Variants in HYDIN observed in about 807,000 individuals in gnomAD.
HYDIN encodes HYDIN axonemal central pair apparatus protein.
HYDIN carries 132 observed loss-of-function variants against 403.9 expected under a neutral mutation model. The observed-to-expected ratio is 0.33, with a 90% CI of 0.28 to 0.38. The LOEUF is 0.38. Ranked by LOEUF, HYDIN falls within the 10% of genes least tolerant of loss-of-function variation. HYDIN has a pLI of 1.00. For missense variants in HYDIN, 2,827 were observed against 5,009.5 expected, an observed-to-expected ratio of 0.56 and a Z score of 13.15; for synonymous variants, 1,202 against 1,891.7, an observed-to-expected ratio of 0.64 and a Z score of 9.46.
intron 21 of HYDIN, among the ~76,000 whole-genome samples, chr16:71,024,131 T>C (rs1321341335): frequency 6.6e-6 from 1 of 152,216 alleles, no homozygotes; most frequent in Non-Finnish European, 1.5e-5. Flanking sequence ...GCATGATGGT[T>C]TCAGTGAATC....
At position 70,879,600 on chromosome 16, in the gene HYDIN, G is replaced by A; in HGVS notation, c.10367+5C>T. 5 of 1,613,456 alleles carry A rather than the reference G, an allele frequency of 3.1e-6. No homozygotes were observed. Among genetic ancestry groups the A allele is most frequent in the Non-Finnish European group, 4.2e-6 (5 of 1,179,962 alleles). On this transcript the variant is annotated splice_donor_5th_base_variant and intron_variant, in intron 61 of 85. Coordinates refer to ENST00000393567, the MANE Select transcript of HYDIN (RefSeq NM_001270974.2). The stretch of plus-strand genomic sequence containing the variant: ...GAGAGGGAGCTGGGAGCTGGGAGTT[G>A]GTACCTGGGCAAGCCATCCAAGGTA...
At chr16:71,187,813 AT>A (rs1213719732) in intron 1 of HYDIN, among the ~76,000 whole-genome samples, 1 of 152,140 alleles carries the variant, frequency 6.6e-6, no homozygotes, top group Non-Finnish European at 1.5e-5. Context: ...TGAATATGAA[AT>A]TTTAAAAAAG....
chr16:71,102,632 C>A (rs530947823), intron 10 of HYDIN, among the ~76,000 whole-genome samples: 1 of 151,884 alleles, frequency 6.6e-6, no homozygotes, highest in East Asian at 1.9e-4. Context: ...TACAGCCCGA[C>A]CTTCAGCTGT....
chr16:71,162,164 G>A (rs1267870294), intron 6 of HYDIN, among the ~76,000 whole-genome samples: 1 of 151,442 alleles, frequency 6.6e-6, no homozygotes, highest in Non-Finnish European at 1.5e-5. Context: ...AAGCTACTGA[G>A]TTTGTGACAA....
chr16:70,942,400 C>T (rs1185125326), intron 42 of HYDIN, among the ~76,000 whole-genome samples: 2 of 151,902 alleles, frequency 1.3e-5, no homozygotes, highest in South Asian at 2.1e-4. Context: ...GTTAAAGGGC[C>T]GATCTGGGAA....
intron 5 of HYDIN, among the ~76,000 whole-genome samples, chr16:71,174,601 G>C (rs2086593748): frequency 6.6e-6 from 1 of 151,998 alleles, no homozygotes; most frequent in Non-Finnish European, 1.5e-5. Context: ...AACAAAACCT[G>C]ACCAACAATT....
At chr16:70,938,468 T>C (rs980543238) in intron 44 of HYDIN, 146 bp downstream of exon 44, 5 of 724,656 alleles carry the variant, frequency 6.9e-6, no homozygotes, top group Admixed American at 2.4e-5. Context: ...TGCATCTTTC[T>C]GCTCCTTGCA....
At chr16:71,211,786 A>T (rs1167163777) in intron 1 of HYDIN, among the ~76,000 whole-genome samples, 2 of 152,168 alleles carry the variant, frequency 1.3e-5, no homozygotes, top group African/African-American at 2.4e-5. Flanking sequence ...GTAAGACACC[A>T]TGAGCAAAAA....
intron 1 of HYDIN, among the ~76,000 whole-genome samples, chr16:71,202,354 A>G (rs562940706): frequency 2.9e-4 from 44 of 152,366 alleles, no homozygotes; most frequent in African/African-American, 1.1e-3. Context: ...ATTTGCTACA[A>G]TGAAGAACAG....
chr16:70,998,967 T>C (rs2079616202), intron 23 of HYDIN, among the ~76,000 whole-genome samples: 2 of 152,184 alleles, frequency 1.3e-5, no homozygotes, highest in African/African-American at 2.4e-5. Context: ...GTCTCTATTA[T>C]GGAAAGCAGC....
At chr16:71,074,817 T>C (rs1311687722) in intron 13 of HYDIN, among the ~76,000 whole-genome samples, 2 of 150,816 alleles carry the variant, frequency 1.3e-5, no homozygotes, top group African/African-American at 4.9e-5. Context: ...CCAATCCACC[T>C]GGGGAAATAA....
At chr16:70,917,222 G>A (rs976601921) in intron 47 of HYDIN, among the ~76,000 whole-genome samples, 5 of 152,186 alleles carry the variant, frequency 3.3e-5, no homozygotes, top group African/African-American at 1.2e-4. Context: ...GTGCCCAGCC[G>A]GCTGATTTTC....
intron 45 of HYDIN, among the ~76,000 whole-genome samples, chr16:70,928,425 C>T (rs1190425456): frequency 6.6e-6 from 1 of 152,126 alleles, no homozygotes; most frequent in Non-Finnish European, 1.5e-5. Context: ...GCCAAGCACT[C>T]CAGCACCTGG....
intron 73 of HYDIN, among the ~76,000 whole-genome samples, chr16:70,853,433 T>G (rs951127563): frequency 9.4e-5 from 14 of 149,382 alleles, no homozygotes; most frequent in Non-Finnish European, 1.6e-4. Context: ...GCTTTATTCA[T>G]AACAGCCCAA....
intron 43 of HYDIN, among the ~76,000 whole-genome samples, chr16:70,939,056 G>A (rs2077588454): frequency 6.6e-6 from 1 of 152,182 alleles, no homozygotes; most frequent in African/African-American, 2.4e-5. Flanking sequence ...GGATCTTGAG[G>A]TGGGCAGATT....
chr16:71,050,039 T>G (rs1034094761), intron 18 of HYDIN, among the ~76,000 whole-genome samples: 2 of 149,006 alleles, frequency 1.3e-5, no homozygotes, highest in African/African-American at 2.5e-5. Flanking sequence ...TGTGTGTGTG[T>G]GTGTGGGTGT....
At chr16:70,976,767 G>A (rs1022380708) in intron 30 of HYDIN, among the ~76,000 whole-genome samples, 1 of 152,124 alleles carries the variant, frequency 6.6e-6, no homozygotes, top group Admixed American at 6.6e-5. Flanking sequence ...GGGAATATTA[G>A]GAAAAAAGGT....
chr16:70,883,086 G>A (rs574106969), intron 59 of HYDIN, among the ~76,000 whole-genome samples, 191 bp from the exon 60 acceptor site: 1 of 152,354 alleles, frequency 6.6e-6, no homozygotes, highest in South Asian at 2.1e-4. Context: ...CTTGCTGGTT[G>A]CCACACTCCA....
chr16:71,168,990 C>A (rs1233869355), intron 5 of HYDIN, among the ~76,000 whole-genome samples: 1 of 152,180 alleles, frequency 6.6e-6, no homozygotes, highest in East Asian at 1.9e-4. Context: ...TATGATCTAG[C>A]AATTCCACTT....
Sources: gnomAD v4.1 joint callset for allele counts (sites outside exome capture counted in the v4.1 genomes callset) on GRCh38, gnomAD v4.1.1 for gene constraint, MANE v1.5 for transcripts, NCBI Gene and HGNC (gene_info 2026-07-23, HGNC 2026-07-21) for gene names.